Variants in MYO5B observed in about 807,000 individuals in gnomAD.
MYO5B encodes myosin VB, also known as unconventional myosin-Vb.
Under a neutral mutation model 229.3 loss-of-function variants are expected in MYO5B, and 143 were observed. The ratio of observed to expected loss-of-function variants is 0.62; its 90% CI spans 0.54 to 0.72. MYO5B has a LOEUF of 0.72. MYO5B is among the 30% of genes least tolerant of loss of function. MYO5B has a pLI of 0.00. For missense variants in MYO5B, 2,321 were observed against 2,331.0 expected (o/e 1.00, Z 0.09); for synonymous variants, 918 against 885.2 (o/e 1.04, Z -0.66).
intron 1 of MYO5B, among the ~76,000 whole-genome samples, chr18:50,129,150 G>C (rs970330273): frequency 6.6e-6 from 1 of 152,234 alleles, no homozygotes; most frequent in Non-Finnish European, 1.5e-5. Flanking sequence ...CTGATGGACG[G>C]AGAGGGATGG....
At chr18:50,118,771 C>T (rs1375269950) in intron 1 of MYO5B, among the ~76,000 whole-genome samples, 9 of 152,168 alleles carry the variant, frequency 5.9e-5, no homozygotes, top group African/African-American at 2.2e-4. Context: ...ACTACAGGCG[C>T]CCGCCACTAT....
intron 22 of MYO5B, among the ~76,000 whole-genome samples, chr18:49,892,609 A>G (rs1337317197): frequency 6.6e-6 from 1 of 152,210 alleles, no homozygotes; most frequent in Non-Finnish European, 1.5e-5. Context: ...CAATTGTCTG[A>G]TTACTCAGCA....
chr18:49,992,179 C>T, intron 6 of MYO5B, 109 bp downstream of exon 6: 1 of 1,453,030 alleles, frequency 6.9e-7, no homozygotes, highest in Non-Finnish European at 9.7e-7. Flanking sequence ...ACATTCAATT[C>T]CAGGCTCACA....
At chr18:50,003,775 G>A (rs1238579689) in intron 4 of MYO5B, among the ~76,000 whole-genome samples, 1 of 152,236 alleles carries the variant, frequency 6.6e-6, no homozygotes, top group East Asian at 1.9e-4. Flanking sequence ...AAATGGATAA[G>A]TTTAGAATGT....
At chr18:50,156,754 G>C (rs1420356010) in intron 1 of MYO5B, among the ~76,000 whole-genome samples, 1 of 152,192 alleles carries the variant, frequency 6.6e-6, no homozygotes, top group Non-Finnish European at 1.5e-5. Flanking sequence ...AATTTTAACA[G>C]TGTATCTTAC....
intron 1 of MYO5B, among the ~76,000 whole-genome samples, chr18:50,134,570 A>G (rs1040092716): frequency 7.1e-6 from 1 of 141,450 alleles, no homozygotes; most frequent in Admixed American, 6.7e-5. Flanking sequence ...ATAAATAAAT[A>G]AATAAATAAA....
intron 1 of MYO5B, among the ~76,000 whole-genome samples, chr18:50,095,790 T>C (rs2031538836): frequency 1.3e-5 from 2 of 152,232 alleles, no homozygotes; most frequent in Admixed American, 6.5e-5. Flanking sequence ...CACCAGAACT[T>C]AGACACTCCC....
chr18:50,137,232 C>T (rs1432481857), intron 1 of MYO5B, among the ~76,000 whole-genome samples: 1 of 152,240 alleles, frequency 6.6e-6, no homozygotes, highest in Non-Finnish European at 1.5e-5. Flanking sequence ...CTGAAGGATT[C>T]TTAGCCTATC....
chr18:50,164,658 G>A (rs7231993), intron 1 of MYO5B, among the ~76,000 whole-genome samples: 11,035 of 152,086 alleles, frequency 0.073, 562 homozygotes, highest in African/African-American at 0.14. Flanking sequence ...GTAAATGTGT[G>A]TCATGGTGGT....
rs149048213 is a variant in MYO5B at position 50,113,662 on chromosome 18, G to T, written c.28-58284C>A. ...CATCAACTACACAAAGATAGGTACT[G>T]TGGGGCCCTGAAGGGTTGAAGTTAG... is the stretch of plus-strand genomic sequence containing the variant. On this transcript the variant is annotated intron_variant, in intron 1 of 39. Coordinates refer to ENST00000285039, the MANE Select transcript of MYO5B (RefSeq NM_001080467.3). 5.8e-3 allele frequency among the ~76,000 whole-genome samples: 882 copies of T among 152,334 alleles called. 3 individuals carry two copies. Among genetic ancestry groups the T allele is most frequent in the Non-Finnish European group, 8.8e-3 (599 of 68,038 alleles).
At chr18:49,946,548 C>T (rs898225094) in intron 14 of MYO5B, among the ~76,000 whole-genome samples, 2 of 152,200 alleles carry the variant, frequency 1.3e-5, no homozygotes, top group African/African-American at 4.8e-5. Context: ...TCTCCTGCTT[C>T]CATTAGAAAG....
chr18:49,964,902 G>T (rs565527147), intron 10 of MYO5B, among the ~76,000 whole-genome samples: 3 of 152,338 alleles, frequency 2.0e-5, no homozygotes, highest in Non-Finnish European at 4.4e-5. Context: ...AGCGTAGTGG[G>T]CAGAGGCAGG....
chr18:50,019,415 T>C (rs2144355954), intron 4 of MYO5B, among the ~76,000 whole-genome samples: 1 of 152,332 alleles, frequency 6.6e-6, no homozygotes, highest in East Asian at 1.9e-4. Context: ...CTGGCTACTC[T>C]ATGCTATTCT....
chr18:50,046,264 T>C (rs2030223013), intron 2 of MYO5B, among the ~76,000 whole-genome samples: 2 of 152,302 alleles, frequency 1.3e-5, no homozygotes, highest in South Asian at 4.1e-4. Context: ...GGAGAGCTTT[T>C]AAGAAAGATA....
chr18:49,961,358 C>T (rs2025557049), intron 12 of MYO5B, among the ~76,000 whole-genome samples: 1 of 152,188 alleles, frequency 6.6e-6, no homozygotes, highest in Non-Finnish European at 1.5e-5. Context: ...AAAAAATATG[C>T]AAGCTGTAGA....
chr18:49,967,285 G>C (rs143634610), intron 10 of MYO5B, among the ~76,000 whole-genome samples: 2 of 152,308 alleles, frequency 1.3e-5, no homozygotes, highest in East Asian at 1.9e-4. Context: ...AAATAAGGTA[G>C]TGTCCGTTGG....
At chr18:50,023,901 C>T (rs905802506) in intron 4 of MYO5B, among the ~76,000 whole-genome samples, 3 of 152,270 alleles carry the variant, frequency 2.0e-5, no homozygotes, top group East Asian at 1.9e-4. Flanking sequence ...TGCTGTTTGA[C>T]CTGAAGAGCC....
intron 1 of MYO5B, among the ~76,000 whole-genome samples, chr18:50,192,717 T>G (rs1226070910): frequency 6.6e-6 from 1 of 152,210 alleles, no homozygotes. Flanking sequence ...TCTGACTTTG[T>G]GTCCTAATCT....
chr18:49,902,190 G>T (rs1050128384), intron 21 of MYO5B, among the ~76,000 whole-genome samples: 1 of 152,124 alleles, frequency 6.6e-6, no homozygotes, highest in Non-Finnish European at 1.5e-5. Context: ...CCATGTCTTC[G>T]TCTTCTCTGG....
Sources: allele counts gnomAD v4.1 joint callset (sites outside exome capture counted in the v4.1 genomes callset), GRCh38; gene constraint gnomAD v4.1.1; transcripts MANE v1.5; gene names NCBI Gene and HGNC (gene_info 2026-07-23, HGNC 2026-07-21).